Variants in SHROOM4 observed in about 807,000 individuals in gnomAD.
SHROOM4 encodes shroom family member 4, also known as protein Shroom4.
Under a neutral mutation model 80.3 loss-of-function variants are expected in SHROOM4, and 17 were observed. That is an observed-to-expected ratio of 0.21 (90% CI 0.14 to 0.32). The LOEUF (loss-of-function observed/expected upper bound fraction) is 0.32. Among genes scored for constraint, SHROOM4 ranks in the 10% least tolerant of loss-of-function variants. The pLI is 1.00. For missense variants in SHROOM4, 993 were observed against 1,140.3 expected (o/e 0.87, Z 1.86); for synonymous variants, 400 against 437.5 (o/e 0.91, Z 1.07).
chrX:50,651,733 G>GC (rs1208720956), intron 2 of SHROOM4, among the ~76,000 whole-genome samples: 4 of 99,624 alleles, frequency 4.0e-5, no homozygotes, highest in Non-Finnish European at 8.1e-5. Context: ...CCCTCCCCTA[G>GC]CCCCTTAACC....
intron 2 of SHROOM4, among the ~76,000 whole-genome samples, chrX:50,642,215 G>A (rs1931629006): frequency 1.8e-5 from 2 of 112,223 alleles, no homozygotes; most frequent in Admixed American, 1.9e-4. Flanking sequence ...TCTGCGAGTT[G>A]CAGATTTTTT....
intron 1 of SHROOM4, among the ~76,000 whole-genome samples, chrX:50,717,473 G>A (rs1051338463): frequency 1.1e-4 from 12 of 112,033 alleles, no homozygotes; most frequent in Admixed American, 2.8e-4. Flanking sequence ...TGCCCACCTC[G>A]GCATCCCAAA....
chrX:50,633,701 C>T lies in SHROOM4; in HGVS notation c.2372G>A (p.Gly791Asp), dbSNP rs149352975. The T allele has an allele frequency of 4.1e-5, 50 of 1,210,261 alleles. No individual in the cohort carries two copies. The African/African-American group carries it at 6.8e-4, about 16-fold the overall frequency. The change falls in exon 4 of 9, where the codon GGT (glycine) becomes GAT (aspartate). Residue 791 changes from glycine (G) to aspartate (D), a missense_variant. Gly to Asp is a moderately conservative substitution (Grantham distance 94). Coordinates refer to ENST00000376020, the MANE Select transcript of SHROOM4 (RefSeq NM_020717.5). ...AGTCTTGTTGCTATGAGTGGTTAAA[C>T]CTGGCAAATGAGATGTAGATAAGGA... ...SKSLSTSHLP[G>D]LTTHSNKTFT...
chrX:50,594,960 T>C lies in SHROOM4; in HGVS notation c.*1735A>G, dbSNP rs140777607. The stretch of plus-strand genomic sequence containing the variant: ...ATTCTCCCATTGTTTTCAAATACAA[T>C]GAAGAGGAAATGGAAGCTAGTGACA... On this transcript the variant is annotated 3_prime_UTR_variant, in exon 9 of 9. Transcript: ENST00000376020. 0.015 allele frequency: 1,714 copies of C among 112,405 alleles called. 21 individuals are homozygous for C. Among genetic ancestry groups the C allele is most frequent in the Non-Finnish European group, 0.023 (1,205 of 53,174 alleles). The allele number at this position is 112,405 out of a possible 1,213,427, so 9.3% of individuals were successfully genotyped here.
intron 1 of SHROOM4, among the ~76,000 whole-genome samples, chrX:50,753,649 T>C (rs1557268195): frequency 9.0e-6 from 1 of 111,633 alleles, no homozygotes; most frequent in African/African-American, 3.3e-5. Flanking sequence ...ACACAAAATA[T>C]CTCATTAGTA....
chrX:50,743,215 C>T (rs1934704800), intron 1 of SHROOM4, among the ~76,000 whole-genome samples: 1 of 107,933 alleles, frequency 9.3e-6, no homozygotes, highest in Non-Finnish European at 1.9e-5. Flanking sequence ...TAGAACCAGC[C>T]ATTTTTTCAA....
At chrX:50,597,927 C>T (rs1331498924) in intron 8 of SHROOM4, among the ~76,000 whole-genome samples, 5 of 111,394 alleles carry the variant, frequency 4.5e-5, no homozygotes, top group Non-Finnish European at 9.4e-5. Flanking sequence ...CAGTCTCCGC[C>T]TCCCAAGCTC....
intron 1 of SHROOM4, among the ~76,000 whole-genome samples, chrX:50,802,934 T>A (rs1268332113): frequency 7.1e-5 from 8 of 112,363 alleles, no homozygotes; most frequent in Non-Finnish European, 1.5e-4. Context: ...ACAAGCAATA[T>A]GACATTGGGC....
At chrX:50,610,352 T>TCTCTCTCTCACACACACACACACACA (rs782591424) in intron 5 of SHROOM4, among the ~76,000 whole-genome samples, 952 of 91,621 alleles carry the variant, frequency 0.01, 19 homozygotes, top group African/African-American at 0.041. Flanking sequence ...TCTCTCTCTC[T>TCTCTCTCTCACACACACACACACACA]CACACACACA....
intron 1 of SHROOM4, among the ~76,000 whole-genome samples, chrX:50,700,131 A>G (rs1318177816): frequency 1.8e-5 from 2 of 109,169 alleles, no homozygotes; most frequent in Non-Finnish European, 3.8e-5. Flanking sequence ...TTACCAGCCC[A>G]TACTGCTACC....
intron 1 of SHROOM4, among the ~76,000 whole-genome samples, chrX:50,717,480 C>T (rs1472788517): frequency 8.9e-6 from 1 of 112,306 alleles, no homozygotes; most frequent in Non-Finnish European, 1.9e-5. Context: ...CTCGGCATCC[C>T]AAAGTGCTGG....
chrX:50,659,241 G>T (rs1290390862), intron 2 of SHROOM4, among the ~76,000 whole-genome samples: 1 of 111,993 alleles, frequency 8.9e-6, no homozygotes, highest in Non-Finnish European at 1.9e-5. Context: ...ATTTTGGAAA[G>T]ATGTGTCCAT....
intron 2 of SHROOM4, among the ~76,000 whole-genome samples, chrX:50,649,986 A>T (rs1931978662): frequency 8.9e-6 from 1 of 112,399 alleles, no homozygotes; most frequent in Non-Finnish European, 1.9e-5. Context: ...GGAATATCCT[A>T]GCTGTCCAAC....
chrX:50,620,251 G>A (rs185957218), intron 5 of SHROOM4, among the ~76,000 whole-genome samples: 1 of 111,467 alleles, frequency 9.0e-6, no homozygotes, highest in Admixed American at 9.5e-5. Flanking sequence ...TTTTCTTTGT[G>A]TATGGCTACT....
At chrX:50,752,511 T>C (rs1934944948) in intron 1 of SHROOM4, among the ~76,000 whole-genome samples, 1 of 111,583 alleles carries the variant, frequency 9.0e-6, no homozygotes, top group Non-Finnish European at 1.9e-5. Context: ...ACCATCTCTC[T>C]TTTCCTTTCC....
chrX:50,805,614 TC>T, intron 1 of SHROOM4, among the ~76,000 whole-genome samples: 2 of 111,576 alleles, frequency 1.8e-5, no homozygotes, highest in East Asian at 5.7e-4. Flanking sequence ...AGCAATGCAC[TC>T]CAAGAGCTGC....
intron 1 of SHROOM4, among the ~76,000 whole-genome samples, chrX:50,783,645 A>C (rs1482094044): frequency 2.7e-5 from 3 of 109,669 alleles, no homozygotes; most frequent in Non-Finnish European, 3.8e-5. Flanking sequence ...GCGTGATCTC[A>C]GCTCACTGCA....
chrX:50,619,148 T>C (rs1557251521), intron 5 of SHROOM4, among the ~76,000 whole-genome samples: 1 of 110,944 alleles, frequency 9.0e-6, no homozygotes, highest in Admixed American at 9.6e-5. Flanking sequence ...TGTTAAAATA[T>C]TTTTTTTTGG....
Position 50,615,864 on chromosome X carries a change from G to A in SHROOM4, c.2958-7680C>T, listed in dbSNP as rs910812822. On this transcript the variant is annotated intron_variant, in intron 5 of 8. Transcript: ENST00000376020. Reference sequence around the variant, plus strand: ...AGTCTGTTGTTTTTACCTAAATTGCGTATTTATTTGGGGTAGCGCAAGCTA... The same window carrying A: ...AGTCTGTTGTTTTTACCTAAATTGCATATTTATTTGGGGTAGCGCAAGCTA... Among the ~76,000 whole-genome samples the A allele has an allele frequency of 7.5e-4, 84 of 111,794 alleles. No homozygotes were observed. In the Admixed American group the frequency reaches 7.9e-3, roughly 11 times the overall value.
Sources: gnomAD v4.1 joint callset for allele counts (sites outside exome capture counted in the v4.1 genomes callset) on GRCh38, gnomAD v4.1.1 for gene constraint, MANE v1.5 for transcripts, NCBI Gene and HGNC (gene_info 2026-07-23, HGNC 2026-07-21) for gene names.